Variants in ZNF561 observed in about 807,000 individuals in gnomAD.
The protein encoded by ZNF561 is zinc finger protein 561.
A neutral mutation model predicts 16.7 loss-of-function variants in ZNF561; 16 were observed. That is an observed-to-expected ratio of 0.96 (90% CI 0.65 to 1.45). ZNF561 has a LOEUF of 1.45. Among genes scored for constraint, ZNF561 ranks in the 40% most tolerant of loss-of-function variants. The pLI, the probability that ZNF561 is intolerant of heterozygous loss-of-function variation, is 0.00. For missense variants in ZNF561, 580 were observed against 578.0 expected (o/e 1.00, Z -0.04); for synonymous variants, 190 against 192.1 (o/e 0.99, Z 0.09).
At chr19:9,619,867 C>A (rs1261843227) in intron 1 of ZNF561, among the ~76,000 whole-genome samples, 80 of 108,482 alleles carry the variant, frequency 7.4e-4, no homozygotes, top group Non-Finnish European at 9.8e-5. Flanking sequence ...CTATATTTAT[C>A]TATCTATATC....
In ZNF561 at chr19:9,610,633, C is replaced by T. The variant is rs2074432282; in HGVS notation, c.1028G>A (p.Gly343Asp). The T allele has an allele frequency of 1.9e-6, 3 of 1,614,024 alleles. No individual in the cohort carries two copies. Among genetic ancestry groups the T allele is most frequent in the Non-Finnish European group, 1.7e-6 (2 of 1,179,958 alleles). ...GIKPYECKECGQAFAQYSGLS... is the reference protein window; with the variant it reads ...GIKPYECKECDQAFAQYSGLS... ...GCCCGAGTACTGAGCAAAGGCTTGGCCACATTCCTTACATTCATAGGGTTT... is the reference window on the plus strand; with the variant it reads ...GCCCGAGTACTGAGCAAAGGCTTGGTCACATTCCTTACATTCATAGGGTTT... Residue 343 changes from glycine to aspartate, a missense_variant, in exon 6 of 6, where the codon GGC becomes GAC. Physicochemically the swap from Gly to Asp is moderately conservative, Grantham distance 94. Coordinates refer to ENST00000302851, the MANE Select transcript of ZNF561 (RefSeq NM_152289.3).
intron 3 of ZNF561, chr19:9,617,679 G>T (rs906976095): frequency 8.7e-6 from 4 of 457,148 alleles, no homozygotes; most frequent in Admixed American, 2.3e-5. Flanking sequence ...GCTTACGCTT[G>T]ATCTCAGCAC....
At chr19:9,612,343 G>A (rs1011294875) in intron 5 of ZNF561, among the ~76,000 whole-genome samples, 23 of 151,896 alleles carry the variant, frequency 1.5e-4, no homozygotes, top group African/African-American at 3.9e-4. Flanking sequence ...CATCAGCCTC[G>A]CGAATAGCTG....
rs553444645 is a variant in ZNF561 at position 9,618,803 on chromosome 19, C to T, written c.26-624G>A. Among the ~76,000 whole-genome samples, 3 of 151,832 alleles carry T rather than the reference C, an allele frequency of 2.0e-5. No homozygotes were observed. The East Asian group carries it at 5.9e-4, about 30-fold the overall frequency. On this transcript the variant is annotated intron_variant, in intron 2 of 5. Transcript: ENST00000302851. ...CTTATGTAGCATTTCCTAAGGTACA[C>T]AAACCAGGGCTGAATTCTAAAACAG...
chr19:9,610,180 T>A lies in ZNF561; in HGVS notation c.*20A>T. On this transcript the variant is annotated 3_prime_UTR_variant, in exon 6 of 6. Coordinates refer to ENST00000302851, the MANE Select transcript of ZNF561 (RefSeq NM_152289.3). The stretch of plus-strand genomic sequence containing the variant: ...AATCTTTGGTGTCATTGCCAATAAT[T>A]AAAGATGGCAACCGATGGGCTAAAT... The A allele has an allele frequency of 6.5e-7, 1 of 1,536,630 alleles. No individual in the cohort carries two copies. Among genetic ancestry groups the A allele is most frequent in the Non-Finnish European group, 8.8e-7 (1 of 1,142,418 alleles).
In ZNF561 at chr19:9,618,111, A is replaced by C; in HGVS notation, c.94T>G (p.Tyr32Asp). 11 of 1,551,280 alleles carry C rather than the reference A, an allele frequency of 7.1e-6. No homozygotes were observed. The highest frequency in any genetic ancestry group is 9.6e-6 in the Non-Finnish European group (11 of 1,146,644). The change falls in exon 3 of 6, where the codon TAC becomes GAC. Residue 32 changes from tyrosine to aspartate, a missense_variant. Physicochemically the swap from Tyr to Asp is radical, Grantham distance 160. Transcript: ENST00000302851. ...CTTACCTGATAACCACTTGCCAGGT[A>C]GTCCTCCACCATCCTTTCTACCTTT... ...KTKVERMVED[Y>D]LASGYQDSVT... is the part of the protein sequence containing the mutation.
chr19:9,610,499 T>C lies in ZNF561; in HGVS notation c.1162A>G (p.Thr388Ala). 1 of 1,613,882 alleles carries C rather than the reference T, an allele frequency of 6.2e-7. No individual in the cohort carries two copies. The highest frequency in any genetic ancestry group is 8.5e-7 in the Non-Finnish European group (1 of 1,179,748). ...ACACATTCATAAGGCTTCTCTCCTG[T>C]GTGAATTCTTGTATGCTGAATAAGA... The part of the protein sequence containing the change: ...TSLIQHTRIH[T>A]GEKPYECVEC... The change falls in exon 6 of 6, where the codon ACA becomes GCA. Residue 388 changes from threonine (T) to alanine (A), a missense_variant. Physicochemically the swap from Thr to Ala is moderately conservative, Grantham distance 58 (BLOSUM62 0). Coordinates refer to ENST00000302851, the MANE Select transcript of ZNF561 (RefSeq NM_152289.3).
intron 5 of ZNF561, among the ~76,000 whole-genome samples, chr19:9,612,540 A>G (rs2144878939): frequency 6.6e-6 from 1 of 151,998 alleles, no homozygotes; most frequent in Non-Finnish European, 1.5e-5. Flanking sequence ...TATAGAGACA[A>G]AGTCTTACTA....
chr19:9,612,421 TG>T lies in ZNF561; in HGVS notation c.325-1086del, dbSNP rs538804312. Among the ~76,000 whole-genome samples, 262 of 152,284 alleles carry T rather than the reference TG, an allele frequency of 1.7e-3. 3 individuals are homozygous for T. Among genetic ancestry groups the T allele is most frequent in the Non-Finnish European group, 3.3e-3 (224 of 68,016 alleles). ...TTTTTGTAGAGATGGGGTTTCCCCA[TG>T]TTCGCCAGGCTGGTCTTGAACTGCT... On this transcript the variant is annotated intron_variant, in intron 5 of 5. Coordinates refer to ENST00000302851, the MANE Select transcript of ZNF561 (RefSeq NM_152289.3).
intron 5 of ZNF561, among the ~76,000 whole-genome samples, chr19:9,613,361 T>C (rs1465490556): frequency 6.6e-6 from 1 of 151,946 alleles, no homozygotes; most frequent in African/African-American, 2.4e-5. Context: ...CAGCCTCCCA[T>C]GTATCTGGGA....
intron 3 of ZNF561, chr19:9,617,679 G>C (rs906976095): frequency 2.2e-6 from 1 of 457,148 alleles, no homozygotes; most frequent in East Asian, 6.9e-5. Context: ...GCTTACGCTT[G>C]ATCTCAGCAC....
intron 5 of ZNF561, among the ~76,000 whole-genome samples, chr19:9,611,904 G>T (rs763508685): frequency 6.6e-6 from 1 of 152,130 alleles, no homozygotes; most frequent in African/African-American, 2.4e-5. Context: ...GCACCCTCAT[G>T]TCTGGCCAAT....
At chr19:9,615,216 C>CA (rs1417690491) in intron 4 of ZNF561, among the ~76,000 whole-genome samples, 1 of 151,968 alleles carries the variant, frequency 6.6e-6, no homozygotes, top group East Asian at 1.9e-4. Context: ...TTTCTGTGCC[C>CA]AAAAAAGATT....
chr19:9,620,571 C>G (rs1013243069), intron 1 of ZNF561, among the ~76,000 whole-genome samples: 4 of 152,110 alleles, frequency 2.6e-5, no homozygotes, highest in Non-Finnish European at 1.5e-5. Flanking sequence ...TCAAACAACC[C>G]TAGTAGTCGG....
intron 5 of ZNF561, 74 bp from the exon 6 acceptor site, chr19:9,611,410 G>T: frequency 7.2e-7 from 1 of 1,395,666 alleles, no homozygotes; most frequent in Non-Finnish European, 9.6e-7. Flanking sequence ...GAACACAGAA[G>T]CATTTTGATG....
Position 9,611,202 on chromosome 19 carries a change from T to C in ZNF561, c.459A>G (p.Lys153=). 1 of 1,613,932 alleles carries C rather than the reference T, an allele frequency of 6.2e-7. No individual in the cohort carries two copies. The highest frequency in any genetic ancestry group is 8.5e-7 in the Non-Finnish European group (1 of 1,179,864). ...GNTSEGNCYG[K]DTLSVHKEAS... is the part of the protein sequence containing the mutation. ...CTTCCTTGTGCACACTGAGGGTGTC[T>C]TTTCCATAACAATTACCCTCAGAAG... is the stretch of plus-strand genomic sequence containing the variant. The change falls in exon 6 of 6, where the codon AAA becomes AAG. Residue 153 remains lysine (K), a synonymous_variant. Transcript: ENST00000302851.
Position 9,617,257 on chromosome 19 carries a change from CACTT to C in ZNF561, c.115-90_115-87del, listed in dbSNP as rs1390865932. 5.4e-6 allele frequency: 8 copies of C among 1,486,744 alleles called. No individual in the cohort carries two copies. In the African/African-American group the frequency reaches 8.3e-5, roughly 15 times the overall value. The allele number at this position is 1,486,744 out of a possible 1,614,324, so 92.1% of individuals were successfully genotyped here. ...GAATGATGAAGGGGAACCTTATACT[CACTT>C]ACACGTGGTTGTCAGGTCTCCCATG... On this transcript the variant is annotated intron_variant, in intron 3 of 5. Transcript: ENST00000302851.
At chr19:9,619,837 C>CA (rs2074627023) in intron 1 of ZNF561, among the ~76,000 whole-genome samples, 1 of 151,146 alleles carries the variant, frequency 6.6e-6, no homozygotes, top group African/African-American at 2.5e-5. Flanking sequence ...CTATCATTAC[C>CA]TCTATCTATC....
chr19:9,608,244 G>C lies in ZNF561; in HGVS notation c.*1956C>G, dbSNP rs1478913348. On this transcript the variant is annotated 3_prime_UTR_variant, in exon 6 of 6. Transcript: ENST00000302851. ...TAGGGGGAGGGAGGGGGAGGGAGGG[G>C]AAGGAGAGAGATGGTGGGGAGAGAG... The C allele has an allele frequency of 6.6e-6, 1 of 151,146 alleles. No homozygotes were observed. The highest frequency in any genetic ancestry group is 2.1e-4 in the South Asian group (1 of 4,740). The allele number at this position is 151,146 out of a possible 1,614,324, so 9.4% of individuals were successfully genotyped here.
Sources: gnomAD v4.1 joint callset for allele counts (sites outside exome capture counted in the v4.1 genomes callset) on GRCh38, gnomAD v4.1.1 for gene constraint, MANE v1.5 for transcripts, NCBI Gene and HGNC (gene_info 2026-07-23, HGNC 2026-07-21) for gene names.